Variants in TRHDE observed in about 807,000 individuals in gnomAD.
The protein encoded by TRHDE is thyrotropin releasing hormone degrading enzyme, also known as thyrotropin-releasing hormone-degrading ectoenzyme.
In TRHDE, 72 loss-of-function variants were observed where a neutral mutation model predicts 125.7. The ratio of observed to expected loss-of-function variants is 0.57; its 90% confidence interval spans 0.47 to 0.70. The LOEUF (loss-of-function observed/expected upper bound fraction) is 0.70. Ranked by LOEUF, TRHDE falls within the 30% of genes least tolerant of loss-of-function variation. The pLI is 0.00. For synonymous variants in TRHDE, 509 were observed against 509.1 expected, an observed-to-expected ratio of 1.00 and a Z score of 0.00; for missense variants, 1,110 against 1,327.1, an observed-to-expected ratio of 0.84 and a Z score of 2.54.
At chr12:72,447,136 T>C (rs1185661024) in intron 3 of TRHDE, among the ~76,000 whole-genome samples, 2 of 152,070 alleles carry the variant, frequency 1.3e-5, no homozygotes, top group African/African-American at 2.4e-5. Context: ...CCTCAGCAAA[T>C]GTAAAAGAAC....
intron 2 of TRHDE, among the ~76,000 whole-genome samples, chr12:72,205,987 A>G (rs1291051016): frequency 6.6e-6 from 1 of 152,044 alleles, no homozygotes; most frequent in Non-Finnish European, 1.5e-5. Context: ...CAAGGGTTTC[A>G]ATTTTTCCAC....
intron 2 of TRHDE, among the ~76,000 whole-genome samples, chr12:72,296,069 A>G (rs1416643903): frequency 1.3e-5 from 2 of 152,146 alleles, no homozygotes; most frequent in African/African-American, 2.4e-5. Context: ...GCTCCTTTAG[A>G]CTGTGAACTC....
chr12:72,102,629 T>G (rs1218999664), intron 1 of TRHDE, among the ~76,000 whole-genome samples: 1 of 152,194 alleles, frequency 6.6e-6, no homozygotes. Context: ...CTAGGACATC[T>G]TGGCAAAAGC....
intron 2 of TRHDE, among the ~76,000 whole-genome samples, chr12:72,126,109 T>C (rs780253947): frequency 6.6e-6 from 1 of 152,122 alleles, no homozygotes; most frequent in Non-Finnish European, 1.5e-5. Context: ...TCAAAAATAA[T>C]TGCATAGCCG....
At chr12:72,388,209 T>C (rs1872508013) in intron 3 of TRHDE, among the ~76,000 whole-genome samples, 2 of 152,222 alleles carry the variant, frequency 1.3e-5, no homozygotes, top group Admixed American at 1.3e-4. Flanking sequence ...AATATCACTC[T>C]GCTTCAGTGA....
intron 17 of TRHDE, among the ~76,000 whole-genome samples, chr12:72,654,476 C>T (rs1030934935): frequency 3.9e-5 from 6 of 152,048 alleles, no homozygotes; most frequent in African/African-American, 1.4e-4. Flanking sequence ...ATTTTAGATG[C>T]CTTCTACTCT....
chr12:72,495,789 A>G (rs1877889745), intron 5 of TRHDE, among the ~76,000 whole-genome samples: 1 of 152,172 alleles, frequency 6.6e-6, no homozygotes, highest in African/African-American at 2.4e-5. Context: ...TTCATTCTAC[A>G]TATACTCATG....
intron 2 of TRHDE, among the ~76,000 whole-genome samples, chr12:72,363,967 T>C (rs1192356959): frequency 6.6e-6 from 1 of 152,040 alleles, no homozygotes; most frequent in Admixed American, 6.6e-5. Flanking sequence ...AGCATTGTTA[T>C]ACACCAATAA....
upstream of TRHDE, among the ~76,000 whole-genome samples, chr12:72,267,653 A>G (rs1031425307): frequency 3.3e-5 from 5 of 152,240 alleles, no homozygotes; most frequent in East Asian, 1.9e-4. Context: ...CTCTAAAAAA[A>G]TATGTGTAAT....
chr12:72,653,852 G>T (rs933719019), intron 17 of TRHDE, among the ~76,000 whole-genome samples: 6 of 152,080 alleles, frequency 3.9e-5, no homozygotes, highest in African/African-American at 1.4e-4. Context: ...TTCCCAGACA[G>T]TAAGCAGACT....
Position 72,273,620 on chromosome 12 carries a change from G to C in TRHDE, c.914+63G>C, listed in dbSNP as rs944020176. The stretch of plus-strand genomic sequence containing the variant: ...GGCGCGCGGCTCGAACCTCTGGGCG[G>C]CCTGCGACCCCGGGGACCCAGCTGG... On this transcript the variant is annotated intron_variant, in intron 1 of 18. Coordinates refer to ENST00000261180, the MANE Select transcript of TRHDE (RefSeq NM_013381.3). This position sits in a 1 kb window ranked among gnomAD's most constrained non-coding sequence, Gnocchi z 5.3. The C allele has an allele frequency of 3.4e-6, 5 of 1,474,318 alleles. No homozygotes were observed. Among genetic ancestry groups the C allele is most frequent in the Non-Finnish European group, 3.6e-6 (4 of 1,100,994 alleles). The allele number at this position is 1,474,318 out of a possible 1,614,324, so 91.3% of individuals were successfully genotyped here.
chr12:72,603,228 G>A (rs1392611126), intron 12 of TRHDE, among the ~76,000 whole-genome samples: 1 of 152,174 alleles, frequency 6.6e-6, no homozygotes, highest in Admixed American at 6.5e-5. Context: ...AGAAATCATT[G>A]TCAGGCAAAT....
At chr12:72,497,989 A>G (rs866121058) in intron 5 of TRHDE, among the ~76,000 whole-genome samples, 1 of 152,124 alleles carries the variant, frequency 6.6e-6, no homozygotes, top group African/African-American at 2.4e-5. Flanking sequence ...TGAACTTCTC[A>G]TCTGTGGCCT....
At chr12:72,581,930 A>T (rs141353064) in intron 12 of TRHDE, among the ~76,000 whole-genome samples, 1 of 151,570 alleles carries the variant, frequency 6.6e-6, no homozygotes. Context: ...GTGAAACCCC[A>T]TCTCTACTAA....
chr12:72,596,079 G>C, intron 12 of TRHDE, among the ~76,000 whole-genome samples: 1 of 152,006 alleles, frequency 6.6e-6, no homozygotes, highest in East Asian at 1.9e-4. Flanking sequence ...TTGACTCTCA[G>C]TTTTCATCTT....
intron 3 of TRHDE, among the ~76,000 whole-genome samples, chr12:72,446,699 G>A (rs1212782053): frequency 6.6e-6 from 1 of 152,018 alleles, no homozygotes; most frequent in African/African-American, 2.4e-5. Flanking sequence ...AACAAAAACA[G>A]CAGGGGTTGC....
At chr12:72,498,010 G>A (rs892785992) in intron 5 of TRHDE, among the ~76,000 whole-genome samples, 80 of 152,082 alleles carry the variant, frequency 5.3e-4, no homozygotes, top group African/African-American at 1.9e-3. Context: ...CTTATGGTCT[G>A]GAGAAGCCCT....
intron 15 of TRHDE, among the ~76,000 whole-genome samples, chr12:72,640,491 G>T (rs190289808): frequency 6.6e-6 from 1 of 152,224 alleles, no homozygotes; most frequent in Non-Finnish European, 1.5e-5. Context: ...GGGAGCTGTA[G>T]ACCGGAGCTG....
intron 12 of TRHDE, among the ~76,000 whole-genome samples, chr12:72,603,297 T>C (rs1284304124): frequency 6.6e-6 from 1 of 152,130 alleles, no homozygotes; most frequent in African/African-American, 2.4e-5. Context: ...GAAAGTGATG[T>C]AACAAGAGGT....
Sources: allele counts gnomAD v4.1 joint callset (sites outside exome capture counted in the v4.1 genomes callset), GRCh38; gene constraint gnomAD v4.1.1; non-coding constraint Gnocchi (gnomAD v3.1); transcripts MANE v1.5; gene names NCBI Gene and HGNC (gene_info 2026-07-23, HGNC 2026-07-21).